NLGN4X: variants seen among roughly 807,000 people sequenced by gnomAD.
NLGN4X encodes neuroligin-4, X-linked.
Under a neutral mutation model 40.3 loss-of-function variants are expected in NLGN4X, and 3 were observed. That is an observed-to-expected ratio of 0.07 (90% CI 0.03 to 0.19). The LOEUF is 0.19. Ranked by LOEUF, NLGN4X falls within the 10% of genes least tolerant of loss-of-function variation. The pLI is 1.00. For missense variants in NLGN4X, 382 were observed against 708.3 expected (o/e 0.54, Z 5.23); for synonymous variants, 270 against 306.8 (o/e 0.88, Z 1.25).
chrX:6,184,746 C>G (rs1223234335), intron 1 of NLGN4X, among the ~76,000 whole-genome samples: 1 of 112,348 alleles, frequency 8.9e-6, no homozygotes, highest in Non-Finnish European at 1.9e-5. Context: ...GCCCAGAGCC[C>G]AAGATAACTT....
chrX:6,173,824 G>A (rs774473464), intron 1 of NLGN4X, among the ~76,000 whole-genome samples: 20 of 111,945 alleles, frequency 1.8e-4, no homozygotes, highest in Non-Finnish European at 3.0e-4. Context: ...TCAGGAGGCC[G>A]AGGCAGCAGA....
chrX:6,121,923 C>T (rs779290331), intron 2 of NLGN4X, among the ~76,000 whole-genome samples: 45 of 112,450 alleles, frequency 4.0e-4, no homozygotes, highest in African/African-American at 1.4e-3. Flanking sequence ...AAGAAGGTCA[C>T]AGTGCAAAGC....
chrX:6,183,409 T>C (rs182636116), intron 1 of NLGN4X, among the ~76,000 whole-genome samples: 523 of 109,278 alleles, frequency 4.8e-3, no homozygotes, highest in Middle Eastern at 0.024. Context: ...TAGCCAGGAG[T>C]GGTGGTGGGC....
chrX:6,157,231 A>G (rs188002912), intron 1 of NLGN4X, among the ~76,000 whole-genome samples: 315 of 111,998 alleles, frequency 2.8e-3, no homozygotes, highest in African/African-American at 9.7e-3. Flanking sequence ...CTTCCACTGA[A>G]GTTTAATGGG....
intron 3 of NLGN4X, among the ~76,000 whole-genome samples, chrX:5,918,931 T>G (rs2032919557): frequency 1.8e-5 from 2 of 112,380 alleles, no homozygotes; most frequent in South Asian, 7.4e-4. Context: ...ATTATATCTC[T>G]TACTATACTG....
intron 2 of NLGN4X, among the ~76,000 whole-genome samples, chrX:6,115,240 A>C (rs1448041187): frequency 2.7e-5 from 3 of 111,720 alleles, no homozygotes; most frequent in Admixed American, 1.9e-4. Flanking sequence ...ATACTTTAAG[A>C]GACATTTATT....
In NLGN4X at chrX:5,921,148, CATATAT is replaced by C. The variant is rs60922455; in HGVS notation, c.626-11915_626-11910del. Among the ~76,000 whole-genome samples, 785 of 91,026 alleles carry C rather than the reference CATATAT, an allele frequency of 8.6e-3. 13 individuals are homozygous for C. The highest frequency in any genetic ancestry group is 0.029 in the African/African-American group (727 of 24,908). The allele number at this position is 91,026 out of a possible 115,157, so 79.0% of individuals were successfully genotyped here. On this transcript the variant is annotated intron_variant, in intron 3 of 5. Transcript: ENST00000381095. ...TAAGTATTTTTTATATATATATATA[CATATAT>C]ATATATATATATATATTAGACATGT... is the stretch of plus-strand genomic sequence containing the variant.
chrX:6,171,710 T>C (rs1361916209), intron 1 of NLGN4X, among the ~76,000 whole-genome samples: 1 of 112,410 alleles, frequency 8.9e-6, no homozygotes, highest in South Asian at 3.7e-4. Flanking sequence ...AGTGAAGACA[T>C]GAAGCATTCT....
intron 3 of NLGN4X, among the ~76,000 whole-genome samples, chrX:5,951,290 T>C (rs748889019): frequency 2.2e-4 from 25 of 111,804 alleles, no homozygotes; most frequent in African/African-American, 7.8e-4. Context: ...CAGAAATCCA[T>C]AGCGGCCCTT....
In NLGN4X at chrX:6,151,406, A is replaced by C; in HGVS notation, c.61T>G (p.Leu21Val). 8.3e-7 allele frequency: 1 copy of C among 1,211,642 alleles called. No individual in the cohort carries two copies. ...PLLFTPVCVM[L>V]NSNVLLWLTA... ...AACCACAGGAGGACATTGGAGTTTA[A>C]CATGACGCAGACCGGGGTGAACAAC... Residue 21 changes from leucine to valine, a missense_variant, in exon 2 of 6, where the codon TTA becomes GTA. Physicochemically the swap from Leu to Val is conservative, Grantham distance 32. This residue lies in a region of NLGN4X where 115 missense variants were observed against 149.6 expected (regional missense o/e 0.77). Transcript: ENST00000381095.
intron 3 of NLGN4X, among the ~76,000 whole-genome samples, chrX:6,025,717 A>T (rs888212136): frequency 3.6e-5 from 4 of 110,506 alleles, no homozygotes; most frequent in Admixed American, 9.7e-5. Flanking sequence ...CAGCCTGGCC[A>T]AAATGGCAAA....
intron 1 of NLGN4X, among the ~76,000 whole-genome samples, chrX:6,175,988 A>G (rs1358733732): frequency 9.0e-6 from 1 of 111,206 alleles, no homozygotes; most frequent in Non-Finnish European, 1.9e-5. Context: ...GTGATTTTTC[A>G]TTAAAATTTT....
At chrX:6,223,553 T>C (rs906397022) in intron 1 of NLGN4X, among the ~76,000 whole-genome samples, 4 of 112,303 alleles carry the variant, frequency 3.6e-5, no homozygotes, top group African/African-American at 6.5e-5. Context: ...GCTACTGTGC[T>C]CCAAGAAAAA....
In NLGN4X at chrX:6,077,296, CTG is replaced by C. The variant is rs913188097; in HGVS notation, c.473-47866_473-47865del. Among the ~76,000 whole-genome samples the C allele has an allele frequency of 7.2e-3, 644 of 88,871 alleles. 3 individuals are homozygous for C. Among genetic ancestry groups the C allele is most frequent in the African/African-American group, 0.025 (612 of 24,152 alleles). The allele number at this position is 88,871 out of a possible 115,157, so 77.2% of individuals were successfully genotyped here. On this transcript the variant is annotated intron_variant, in intron 2 of 5. Coordinates refer to ENST00000381095, the MANE Select transcript of NLGN4X (RefSeq NM_181332.3). ...TGTGTGTGTGTGTGTGTGTGTGTGT[CTG>C]TGTGTGTGTGTGGTGTGTGTGTGTG...
chrX:6,017,526 G>A (rs950040444), intron 3 of NLGN4X, among the ~76,000 whole-genome samples: 2 of 111,610 alleles, frequency 1.8e-5, no homozygotes, highest in Admixed American at 1.9e-4. Context: ...CAAAAGCACA[G>A]GATGGATTTA....
chrX:5,917,081 T>G (rs2032835663), intron 3 of NLGN4X, among the ~76,000 whole-genome samples: 1 of 112,576 alleles, frequency 8.9e-6, no homozygotes, highest in Non-Finnish European at 1.9e-5. Context: ...CATTTTGATA[T>G]GCTTGCCTTT....
intron 3 of NLGN4X, among the ~76,000 whole-genome samples, chrX:5,977,955 G>A (rs1269641372): frequency 8.9e-6 from 1 of 112,144 alleles, no homozygotes; most frequent in East Asian, 2.8e-4. Flanking sequence ...CTCCGAGAAA[G>A]AACCCTCTCT....
chrX:5,893,040 C>A lies in NLGN4X; in HGVS notation c.2228G>T (p.Cys743Phe). ...TGTGTCGTGTGCCTGCAGCGACTCA[C>A]ACTCGTGATCGTGTTCCAGCTGCTT... ...QMKQLEHDHE[C>F]ESLQAHDTLR... The change falls in exon 6 of 6, where the codon TGT becomes TTT. Residue 743 changes from cysteine (C) to phenylalanine (F), a missense_variant. Cys to Phe is a radical substitution (Grantham distance 205, BLOSUM62 -2). Transcript: ENST00000381095. The A allele has an allele frequency of 1.7e-6, 2 of 1,211,307 alleles. No individual in the cohort carries two copies. The highest frequency in any genetic ancestry group is 2.2e-6 in the Non-Finnish European group (2 of 895,455).
chrX:5,980,646 GA>G (rs746956177), intron 3 of NLGN4X, among the ~76,000 whole-genome samples: 2 of 105,106 alleles, frequency 1.9e-5, no homozygotes, highest in East Asian at 3.0e-4. Flanking sequence ...ACCATTTCTT[GA>G]AAAAAAAATC....
Sources: allele counts gnomAD v4.1 joint callset (sites outside exome capture counted in the v4.1 genomes callset), GRCh38; gene constraint gnomAD v4.1.1; regional missense constraint gnomAD v4.1.1; transcripts MANE v1.5; gene names NCBI Gene and HGNC (gene_info 2026-07-23, HGNC 2026-07-21).